Variants in CEP85L observed in about 807,000 individuals in gnomAD.
The protein encoded by CEP85L is centrosomal protein of 85 kDa-like.
CEP85L carries 60 observed loss-of-function variants against 100.3 expected under a neutral mutation model. The observed-to-expected ratio is 0.60, with a 90% CI of 0.49 to 0.74. CEP85L has a LOEUF of 0.74. Among genes scored for constraint, CEP85L ranks in the 30% least tolerant of loss-of-function variants. The probability of loss-of-function intolerance (pLI) is 0.00; values close to 1 mark genes in which losing one functional copy is unlikely to be tolerated. For synonymous variants in CEP85L, 319 were observed against 322.7 expected (o/e 0.99, Z 0.12); for missense variants, 973 against 936.2 (o/e 1.04, Z -0.51).
chr6:118,526,949 C>G (rs1345840567), intron 3 of CEP85L, among the ~76,000 whole-genome samples: 2 of 151,824 alleles, frequency 1.3e-5, no homozygotes, highest in African/African-American at 2.4e-5. Flanking sequence ...AACCAGCAAC[C>G]CTCAGGGCTG....
At chr6:118,465,660 G>GTGTAGCACTGTATTT in intron 12 of CEP85L, 92 bp from the exon 13 acceptor site, 1 of 1,156,294 alleles carries the variant, frequency 8.6e-7, no homozygotes, top group Non-Finnish European at 1.2e-6. Flanking sequence ...GAAATACAGT[G>GTGTAGCACTGTATTT]CTACACACTG....
chr6:118,518,596 T>C (rs1776425136), intron 4 of CEP85L, among the ~76,000 whole-genome samples: 1 of 152,230 alleles, frequency 6.6e-6, no homozygotes, highest in Non-Finnish European at 1.5e-5. Flanking sequence ...TCATTTTTTA[T>C]CACATCTATT....
intron 6 of CEP85L, among the ~76,000 whole-genome samples, chr6:118,488,269 A>C (rs1774324438): frequency 6.6e-6 from 1 of 152,098 alleles, no homozygotes; most frequent in Non-Finnish European, 1.5e-5. Context: ...AGAATTCAAC[A>C]TACCCAACAT....
At chr6:118,509,427 A>G (rs1398084646) in intron 5 of CEP85L, among the ~76,000 whole-genome samples, 1 of 152,140 alleles carries the variant, frequency 6.6e-6, no homozygotes. Flanking sequence ...AGTACTCATT[A>G]TAAAGCCTTG....
chr6:118,523,795 G>A lies in CEP85L; in HGVS notation c.1139+7C>T. 4 of 1,296,420 alleles carry A rather than the reference G, an allele frequency of 3.1e-6. No homozygotes were observed. The highest frequency in any genetic ancestry group is 4.4e-6 in the Non-Finnish European group (4 of 900,734). 80.3% of individuals were successfully genotyped at this position (1,296,420 alleles called of 1,614,324 possible). ...CTGAAATATTTAATAATTTAAAATA[G>A]ACTCACCGATCGATTACAATTTCTT... On this transcript the variant is annotated splice_region_variant and intron_variant, in intron 4 of 12. Coordinates refer to ENST00000368491, the MANE Select transcript of CEP85L (RefSeq NM_001042475.3).
intron 3 of CEP85L, among the ~76,000 whole-genome samples, chr6:118,526,040 C>G (rs1349645967): frequency 1.3e-5 from 2 of 152,188 alleles, no homozygotes; most frequent in Admixed American, 1.3e-4. Context: ...ATAGGATGAA[C>G]AGACTAAGGA....
chr6:118,532,489 G>T (rs1037404838), intron 3 of CEP85L, among the ~76,000 whole-genome samples: 1 of 152,046 alleles, frequency 6.6e-6, no homozygotes, highest in African/African-American at 2.4e-5. Flanking sequence ...AACAAACCTG[G>T]TTATGTACCC....
intron 3 of CEP85L, among the ~76,000 whole-genome samples, chr6:118,532,086 A>G (rs1777326911): frequency 6.6e-6 from 1 of 152,206 alleles, no homozygotes; most frequent in Non-Finnish European, 1.5e-5. Flanking sequence ...TAGCAAAGAT[A>G]TGGAATCAAC....
chr6:118,491,512 T>A (rs1774569672), intron 6 of CEP85L, 174 bp downstream of exon 6: 13 of 1,363,394 alleles, frequency 9.5e-6, no homozygotes, highest in Non-Finnish European at 1.2e-5. Context: ...TCAAAGAAAA[T>A]CCTTGGATTT....
intron 5 of CEP85L, among the ~76,000 whole-genome samples, chr6:118,500,194 C>T (rs1388950217): frequency 1.3e-5 from 2 of 151,992 alleles, no homozygotes; most frequent in African/African-American, 4.8e-5. Flanking sequence ...GTACTCCCAG[C>T]CACTCAGGAG....
chr6:118,611,015 G>C (rs1772570627), intron 2 of CEP85L, among the ~76,000 whole-genome samples: 1 of 152,022 alleles, frequency 6.6e-6, no homozygotes, highest in African/African-American at 2.4e-5. Flanking sequence ...AAAGAATGAA[G>C]AATGACTATT....
intron 7 of CEP85L, 101 bp downstream of exon 7, chr6:118,483,605 G>A (rs1773955120): frequency 9.7e-6 from 10 of 1,034,184 alleles, no homozygotes; most frequent in Non-Finnish European, 1.4e-5. Context: ...CCCCAAAACA[G>A]CAATTAAACA....
intron 10 of CEP85L, 23 bp downstream of exon 10, chr6:118,479,848 A>C: frequency 7.4e-7 from 1 of 1,345,382 alleles, no homozygotes; most frequent in Non-Finnish European, 1.0e-6. Context: ...GCTAAATTAA[A>C]ATAAGCACAA....
intron 3 of CEP85L, among the ~76,000 whole-genome samples, chr6:118,564,104 C>T (rs1328601955): frequency 6.6e-6 from 1 of 150,936 alleles, no homozygotes; most frequent in Non-Finnish European, 1.5e-5. Flanking sequence ...TTTATCTCAA[C>T]AGTGTGTCCC....
Position 118,480,599 on chromosome 6 carries a change from T to C in CEP85L, c.1746-86A>G, listed in dbSNP as rs1025692816. The C allele has an allele frequency of 9.9e-6, 8 of 805,558 alleles. No homozygotes were observed. The African/African-American group carries it at 1.4e-4, about 14-fold the overall frequency. 49.9% of individuals were successfully genotyped at this position (805,558 alleles called of 1,614,324 possible). ...TTCAACATAAATGATTATTGCTTTA[T>C]TAAAAAATATTATAGACCCTAAAAA... On this transcript the variant is annotated intron_variant, in intron 8 of 12. Coordinates refer to ENST00000368491, the MANE Select transcript of CEP85L (RefSeq NM_001042475.3).
At position 118,552,627 on chromosome 6, in the gene CEP85L, CA is replaced by C. The variant is rs1346479165; in HGVS notation, c.1020+12901del. Among the ~76,000 whole-genome samples the C allele has an allele frequency of 9.0e-5, 13 of 144,438 alleles. 1 individual carries two copies. Among genetic ancestry groups the C allele is most frequent in the African/African-American group, 1.3e-4 (5 of 39,570 alleles). The allele number at this position is 144,438 out of a possible 152,430, so 94.8% of individuals were successfully genotyped here. On this transcript the variant is annotated intron_variant, in intron 3 of 12. Transcript: ENST00000368491. ...GCTTTTCTATTTCCTTCTTCCACCT[CA>C]AAAAAAAAACCAGAATACCATCTTG...
In CEP85L at chr6:118,462,386, G is replaced by C. The variant is rs555197259; in HGVS notation, c.*3019C>G. 1 of 152,110 alleles carries C rather than the reference G, an allele frequency of 6.6e-6. No homozygotes were observed. Among genetic ancestry groups the C allele is most frequent in the South Asian group, 2.1e-4 (1 of 4,830 alleles). The allele number at this position is 152,110 out of a possible 1,614,324, so 9.4% of individuals were successfully genotyped here. A position where few individuals can be genotyped will look rare whatever the true frequency, so the allele number is the denominator to read the frequency against. On this transcript the variant is annotated 3_prime_UTR_variant, in exon 13 of 13. Coordinates refer to ENST00000368491, the MANE Select transcript of CEP85L (RefSeq NM_001042475.3). ...TTACTTTTCTGAGCTCAAGTGAAAA[G>C]ATAGCTATTGTGCCTTTGATTCAGT...
intron 2 of CEP85L, among the ~76,000 whole-genome samples, chr6:118,567,701 T>C (rs543243449): frequency 7.9e-5 from 12 of 152,232 alleles, no homozygotes; most frequent in Non-Finnish European, 1.3e-4. Context: ...TACTTATTAC[T>C]TGTATTCTCT....
Position 118,491,810 on chromosome 6 carries a change from T to C in CEP85L, c.1313A>G (p.His438Arg). Residue 438 changes from histidine (H) to arginine (R), a missense_variant, in exon 6 of 13, where the codon CAT (histidine) becomes CGT (arginine). This residue lies in a region of CEP85L where 890 missense variants were observed against 844.5 expected (regional missense o/e 1.05). Transcript: ENST00000368491. ...TTGCTCAAATTCCCCTTGTTGGGAATGGGAAACTGATTCCTCTGAAAATGG... is the reference window on the plus strand; with the variant it reads ...TTGCTCAAATTCCCCTTGTTGGGAACGGGAAACTGATTCCTCTGAAAATGG... The part of the protein sequence containing the change: ...QTPFSEESVS[H>R]SQQGEFEQKL... 3 of 1,612,990 alleles carry C rather than the reference T, an allele frequency of 1.9e-6. No homozygotes were observed. The highest frequency in any genetic ancestry group is 1.1e-5 in the South Asian group (1 of 90,768).
Sources: gnomAD v4.1 joint callset for allele counts (sites outside exome capture counted in the v4.1 genomes callset) on GRCh38, gnomAD v4.1.1 for gene constraint, gnomAD v4.1.1 regional missense constraint, MANE v1.5 for transcripts, NCBI Gene and HGNC (gene_info 2026-07-23, HGNC 2026-07-21) for gene names.